Variants in NDUFS4 observed in about 807,000 individuals in gnomAD.
NDUFS4 encodes the protein NADH:ubiquinone oxidoreductase subunit S4.
NDUFS4 carries 28 observed loss-of-function variants against 24.3 expected under a neutral mutation model. The ratio of observed to expected loss-of-function variants is 1.15; its 90% confidence interval spans 0.85 to 1.58. The LOEUF (loss-of-function observed/expected upper bound fraction) is 1.58. Ranked by LOEUF, NDUFS4 falls within the 40% of genes most tolerant of loss-of-function variation. The pLI, the probability that NDUFS4 is intolerant of heterozygous loss-of-function variation, is 0.00. For missense variants in NDUFS4, 223 were observed against 207.9 expected, an observed-to-expected ratio of 1.07 and a Z score of -0.45; for synonymous variants, 93 against 69.7, an observed-to-expected ratio of 1.34 and a Z score of -1.67.
intron 2 of NDUFS4, among the ~76,000 whole-genome samples, chr5:53,643,762 T>A (rs1448755422): frequency 6.6e-6 from 1 of 152,132 alleles, no homozygotes; most frequent in East Asian, 1.9e-4. Context: ...ATATGAGAGA[T>A]GCCAAGCCTC....
intron 2 of NDUFS4, among the ~76,000 whole-genome samples, chr5:53,611,145 A>G (rs1561361644): frequency 6.6e-6 from 1 of 151,646 alleles, no homozygotes; most frequent in Non-Finnish European, 1.5e-5. Flanking sequence ...ATAAATTACA[A>G]GAATTTTCAT....
At chr5:53,653,572 G>C (rs1752080937) in intron 3 of NDUFS4, among the ~76,000 whole-genome samples, 1 of 151,960 alleles carries the variant, frequency 6.6e-6, no homozygotes, top group Non-Finnish European at 1.5e-5. Flanking sequence ...TTAAACTATA[G>C]ATACATGTTT....
intron 1 of NDUFS4, among the ~76,000 whole-genome samples, chr5:53,576,844 C>CTAAT (rs1187757634): frequency 1.3e-5 from 2 of 152,154 alleles, no homozygotes; most frequent in African/African-American, 4.8e-5. Context: ...TGAGACTTTG[C>CTAAT]TAATGTTTGT....
chr5:53,577,926 C>G (rs903626750), intron 1 of NDUFS4, among the ~76,000 whole-genome samples: 4 of 152,162 alleles, frequency 2.6e-5, no homozygotes, highest in African/African-American at 4.8e-5. Flanking sequence ...CCTAGATGAT[C>G]TAATTCTCCA....
intron 1 of NDUFS4, among the ~76,000 whole-genome samples, chr5:53,594,981 T>G (rs147898675): frequency 6.6e-6 from 1 of 152,062 alleles, no homozygotes; most frequent in Admixed American, 6.6e-5. Context: ...ACATTATGCT[T>G]CCATGAAAGG....
intron 1 of NDUFS4, among the ~76,000 whole-genome samples, chr5:53,563,375 A>G (rs1393253453): frequency 6.6e-6 from 1 of 152,088 alleles, no homozygotes; most frequent in Non-Finnish European, 1.5e-5. Context: ...AAAATCTAGT[A>G]ATGTGGGTGA....
intron 1 of NDUFS4, among the ~76,000 whole-genome samples, chr5:53,562,043 G>A (rs946151246): frequency 2.0e-5 from 3 of 150,994 alleles, no homozygotes; most frequent in African/African-American, 7.3e-5. Context: ...TCACTCTGAC[G>A]CCCAGGCTGT....
intron 2 of NDUFS4, among the ~76,000 whole-genome samples, chr5:53,643,172 C>CT (rs1374669104): frequency 1.3e-5 from 2 of 151,998 alleles, no homozygotes; most frequent in Non-Finnish European, 2.9e-5. Context: ...CAGGTGCCAG[C>CT]TTGAAGGCTT....
chr5:53,618,637 A>G (rs992721111), intron 2 of NDUFS4, among the ~76,000 whole-genome samples: 2 of 152,158 alleles, frequency 1.3e-5, no homozygotes, highest in African/African-American at 2.4e-5. Flanking sequence ...ACAGTTTCTG[A>G]CAATCAACTA....
At chr5:53,626,407 T>G (rs1205666062) in intron 2 of NDUFS4, among the ~76,000 whole-genome samples, 1 of 152,166 alleles carries the variant, frequency 6.6e-6, no homozygotes, top group Non-Finnish European at 1.5e-5. Context: ...GTAATGGGAT[T>G]GCTGGGTCAA....
chr5:53,604,210 T>G (rs1023011296), intron 2 of NDUFS4, among the ~76,000 whole-genome samples: 2 of 152,196 alleles, frequency 1.3e-5, no homozygotes, highest in Non-Finnish European at 2.9e-5. Flanking sequence ...AATGAGTAAT[T>G]GTATATGTGT....
intron 1 of NDUFS4, among the ~76,000 whole-genome samples, chr5:53,581,864 TC>T (rs1456180435): frequency 6.6e-6 from 1 of 152,180 alleles, no homozygotes; most frequent in Non-Finnish European, 1.5e-5. Context: ...TTAAAAAAGA[TC>T]ATCACATTTC....
rs549302963 is a variant in NDUFS4 at position 53,567,896 on chromosome 5, A to G, written c.98+7136A>G. On this transcript the variant is annotated intron_variant, in intron 1 of 4. Coordinates refer to ENST00000296684, the MANE Select transcript of NDUFS4 (RefSeq NM_002495.4). ...GTTAACGAATAATTATATTTAATAT[A>G]TGAGCTCTTGTGACTTTTCTTTTCT... is the stretch of plus-strand genomic sequence containing the variant. Among the ~76,000 whole-genome samples, 6 of 152,284 alleles carry G rather than the reference A, an allele frequency of 3.9e-5. No homozygotes were observed. In the South Asian group the frequency reaches 1.2e-3, roughly 32 times the overall value.
At chr5:53,582,683 C>G (rs891880286) in intron 1 of NDUFS4, among the ~76,000 whole-genome samples, 1 of 152,200 alleles carries the variant, frequency 6.6e-6, no homozygotes, top group Non-Finnish European at 1.5e-5. Flanking sequence ...TATGCTTCAT[C>G]ATGATGGCCT....
intron 1 of NDUFS4, among the ~76,000 whole-genome samples, chr5:53,577,299 A>G (rs1749418236): frequency 6.6e-6 from 1 of 152,122 alleles, no homozygotes; most frequent in Non-Finnish European, 1.5e-5. Context: ...GCTTTAAGCT[A>G]TACTTGTGCT....
At chr5:53,562,811 C>A (rs1265794547) in intron 1 of NDUFS4, among the ~76,000 whole-genome samples, 3 of 152,108 alleles carry the variant, frequency 2.0e-5, no homozygotes, top group Non-Finnish European at 4.4e-5. Context: ...ATGGGAAAAT[C>A]TACATCTAAA....
At chr5:53,656,871 C>T (rs1005524415) in intron 3 of NDUFS4, among the ~76,000 whole-genome samples, 27 of 152,004 alleles carry the variant, frequency 1.8e-4, no homozygotes, top group African/African-American at 6.5e-4. Flanking sequence ...AGAGCTTAAA[C>T]TGGTGGTGAC....
At chr5:53,582,234 A>AT (rs768039274) in intron 1 of NDUFS4, among the ~76,000 whole-genome samples, 12,821 of 146,806 alleles carry the variant, frequency 0.087, 679 homozygotes, top group Middle Eastern at 0.13. Flanking sequence ...ATAAAATAAA[A>AT]TAAAATAAAA....
chr5:53,624,482 T>C (rs1250202408), intron 2 of NDUFS4, among the ~76,000 whole-genome samples: 1 of 152,204 alleles, frequency 6.6e-6, no homozygotes, highest in Non-Finnish European at 1.5e-5. Context: ...ACAGGATGTC[T>C]TCCCACTTAC....
Sources: gnomAD v4.1 joint callset for allele counts (sites outside exome capture counted in the v4.1 genomes callset) on GRCh38, gnomAD v4.1.1 for gene constraint, MANE v1.5 for transcripts, NCBI Gene and HGNC (gene_info 2026-07-23, HGNC 2026-07-21) for gene names.